Variants in COL19A1 observed in about 807,000 individuals in gnomAD.
COL19A1 encodes collagen type XIX alpha 1 chain, also known as collagen alpha-1(XIX) chain.
COL19A1 carries 159 observed loss-of-function variants against 190.2 expected under a neutral mutation model. The observed-to-expected ratio is 0.84, with a 90% CI of 0.73 to 0.95. COL19A1 has a LOEUF of 0.95. COL19A1 is among the 40% of genes least tolerant of loss of function. The pLI, the probability that COL19A1 is intolerant of heterozygous loss-of-function variation, is 0.00. For missense variants in COL19A1, 1,418 were observed against 1,431.9 expected, an observed-to-expected ratio of 0.99 and a Z score of 0.16; for synonymous variants, 509 against 458.9, an observed-to-expected ratio of 1.11 and a Z score of -1.39.
chr6:70,077,705 G>A (rs530392721), intron 15 of COL19A1, among the ~76,000 whole-genome samples: 146 of 152,306 alleles, frequency 9.6e-4, no homozygotes, highest in African/African-American at 3.3e-3. Flanking sequence ...TATTTCTTAT[G>A]TGAGAGATGT....
chr6:70,035,914 G>A lies in COL19A1; in HGVS notation c.1145G>A (p.Gly382Glu), dbSNP rs1274257592. ...TTTAATCTATTTTAGGGAGATACAGGACCCCCAGGACCACCAGCCTTACCT... is the reference window on the plus strand; with the variant it reads ...TTTAATCTATTTTAGGGAGATACAGAACCCCCAGGACCACCAGCCTTACCT... ...PGPKGEKGDT[G>E]PPGPPALPGS... The change falls in exon 14 of 51, where the codon GGA (glycine) becomes GAA (glutamate). Residue 382 changes from glycine to glutamate, a missense_variant. Gly to Glu is a moderately conservative substitution (Grantham distance 98, BLOSUM62 -2). Coordinates refer to ENST00000620364, the MANE Select transcript of COL19A1 (RefSeq NM_001858.6). 1 of 1,613,256 alleles carries A rather than the reference G, an allele frequency of 6.2e-7. No homozygotes were observed. Among genetic ancestry groups the A allele is most frequent in the Non-Finnish European group, 8.5e-7 (1 of 1,179,402 alleles).
At chr6:70,038,265 A>G (rs74433103) in intron 14 of COL19A1, among the ~76,000 whole-genome samples, 14,830 of 152,284 alleles carry the variant, frequency 0.097, 779 homozygotes, top group Non-Finnish European at 0.12. Flanking sequence ...GAAGAGTTAA[A>G]AAACTTAACC....
At chr6:69,947,790 G>A (rs1001843050) in intron 9 of COL19A1, among the ~76,000 whole-genome samples, 8 of 151,888 alleles carry the variant, frequency 5.3e-5, no homozygotes, top group Admixed American at 3.3e-4. Flanking sequence ...TGGCTTCATT[G>A]ATGCTACTTT....
chr6:70,002,987 T>C (rs1004479258), intron 11 of COL19A1, among the ~76,000 whole-genome samples: 8 of 152,138 alleles, frequency 5.3e-5, no homozygotes, highest in South Asian at 2.1e-4. Flanking sequence ...GGTGTCAATT[T>C]GAGATCTTTC....
rs199869610 is a variant in COL19A1, at chr6:70,142,012, C to A, written c.1519-11C>A. ...AGAAACATTGATCTTTCCTTCCCCC[C>A]ACGTGTTTAGGGTGAACCTGGAGAT... On this transcript the variant is annotated splice_polypyrimidine_tract_variant and intron_variant, in intron 21 of 50. Coordinates refer to ENST00000620364, the MANE Select transcript of COL19A1 (RefSeq NM_001858.6). 2.0e-5 allele frequency: 32 copies of A among 1,612,232 alleles called. No individual in the cohort carries two copies. The highest frequency in any genetic ancestry group is 8.0e-5 in the African/African-American group (6 of 74,788).
At chr6:69,935,782 A>G (rs1256289370) in intron 7 of COL19A1, among the ~76,000 whole-genome samples, 2 of 151,998 alleles carry the variant, frequency 1.3e-5, no homozygotes, top group African/African-American at 4.8e-5. Context: ...GGTTTGTTAC[A>G]TAGGTAAACG....
rs573621925 is a variant in COL19A1 at position 70,142,629 on chromosome 6, A to C, written c.1573-138A>C. The C allele has an allele frequency of 1.0e-4, 65 of 647,532 alleles. No homozygotes were observed. The South Asian group carries it at 1.2e-3, about 12-fold the overall frequency. The allele number at this position is 647,532 out of a possible 1,614,324, so 40.1% of individuals were successfully genotyped here. A position where few individuals can be genotyped will look rare whatever the true frequency, so the allele number is the denominator to read the frequency against. On this transcript the variant is annotated intron_variant, in intron 22 of 50. Transcript: ENST00000620364. ...AAGCACATTTCAGTATTATACAGAT[A>C]AAGTGGGAAAGTGGGATGGTGGAAA...
intron 11 of COL19A1, among the ~76,000 whole-genome samples, chr6:70,016,264 C>A (rs1778069466): frequency 1.9e-5 from 1 of 52,258 alleles, no homozygotes; most frequent in Admixed American, 2.3e-4. Context: ...ATACCTAATG[C>A]TAGATGACAC....
chr6:69,959,155 C>T (rs1016945580), intron 9 of COL19A1, among the ~76,000 whole-genome samples: 3 of 152,168 alleles, frequency 2.0e-5, no homozygotes, highest in African/African-American at 7.2e-5. Flanking sequence ...ACAAACCAGA[C>T]TTGTCAAAGA....
chr6:70,116,167 A>G (rs912842693), intron 16 of COL19A1, among the ~76,000 whole-genome samples: 18 of 152,156 alleles, frequency 1.2e-4, no homozygotes, highest in African/African-American at 4.1e-4. Flanking sequence ...GGAGCTCACT[A>G]TAACTATGCT....
intron 16 of COL19A1, among the ~76,000 whole-genome samples, chr6:70,115,599 A>C (rs1393780104): frequency 6.6e-6 from 1 of 152,104 alleles, no homozygotes; most frequent in Non-Finnish European, 1.5e-5. Context: ...AAGATATTTG[A>C]AGGAAAAAGA....
chr6:70,073,637 T>G (rs1781688256), intron 15 of COL19A1, among the ~76,000 whole-genome samples: 1 of 152,190 alleles, frequency 6.6e-6, no homozygotes, highest in Non-Finnish European at 1.5e-5. Context: ...TACCTAGATG[T>G]CCATGCCCAT....
At chr6:69,912,372 T>G (rs767826040) in intron 4 of COL19A1, among the ~76,000 whole-genome samples, 5 of 152,224 alleles carry the variant, frequency 3.3e-5, no homozygotes, top group Non-Finnish European at 7.3e-5. Flanking sequence ...TTACTTCTAC[T>G]TTCTACATAC....
At chr6:70,153,781 T>A (rs1302535584) in intron 31 of COL19A1, among the ~76,000 whole-genome samples, 1 of 151,404 alleles carries the variant, frequency 6.6e-6, no homozygotes, top group Non-Finnish European at 1.5e-5. Flanking sequence ...TCTTCATAGT[T>A]TTTCAGGTGT....
At chr6:70,131,402 G>T (rs771141542) in intron 18 of COL19A1, among the ~76,000 whole-genome samples, 10 of 152,122 alleles carry the variant, frequency 6.6e-5, no homozygotes, top group Non-Finnish European at 1.3e-4. Flanking sequence ...ACTGCTAAAA[G>T]ATAGTCTCAC....
intron 15 of COL19A1, among the ~76,000 whole-genome samples, chr6:70,091,103 A>G (rs899550464): frequency 2.0e-5 from 3 of 152,130 alleles, no homozygotes; most frequent in Admixed American, 1.3e-4. Context: ...TCCTATCACT[A>G]TCCAAAATTC....
At chr6:70,075,919 A>C (rs1781857438) in intron 15 of COL19A1, among the ~76,000 whole-genome samples, 1 of 152,222 alleles carries the variant, frequency 6.6e-6, no homozygotes, top group South Asian at 2.1e-4. Flanking sequence ...TAACATAATA[A>C]GTTTTCTCTT....
chr6:69,989,526 G>A (rs754698300), intron 11 of COL19A1, among the ~76,000 whole-genome samples: 36 of 149,044 alleles, frequency 2.4e-4, no homozygotes, highest in South Asian at 4.2e-4. Context: ...ACACAAATTC[G>A]TAAACTAACA....
intron 11 of COL19A1, among the ~76,000 whole-genome samples, chr6:69,986,959 C>T (rs1776348048): frequency 6.6e-6 from 1 of 152,146 alleles, no homozygotes; most frequent in Admixed American, 6.5e-5. Context: ...CTCACTCTGT[C>T]ACCCGGGCTG....
Sources: allele counts gnomAD v4.1 joint callset (sites outside exome capture counted in the v4.1 genomes callset), GRCh38; gene constraint gnomAD v4.1.1; transcripts MANE v1.5; gene names NCBI Gene and HGNC (gene_info 2026-07-23, HGNC 2026-07-21).